AKAP12: variants seen among roughly 807,000 people sequenced by gnomAD.
AKAP12 encodes the protein A-kinase anchoring protein 12.
In AKAP12, 32 loss-of-function variants were observed where a neutral mutation model predicts 79.9. That is an observed-to-expected ratio of 0.40 (90% confidence interval 0.30 to 0.54). The LOEUF is 0.54. Ranked by LOEUF, AKAP12 falls within the 20% of genes least tolerant of loss-of-function variation. The probability of loss-of-function intolerance (pLI) is 0.48; values close to 1 mark genes in which losing one functional copy is unlikely to be tolerated. For missense variants in AKAP12, 2,074 were observed against 2,177.0 expected, an observed-to-expected ratio of 0.95 and a Z score of 0.94; for synonymous variants, 808 against 857.0, an observed-to-expected ratio of 0.94 and a Z score of 1.00.
rs751569011 is a variant in AKAP12, at chr6:151,320,153, C to T, written c.319+14250C>T. Among the ~76,000 whole-genome samples the T allele has an allele frequency of 7.2e-5, 11 of 151,990 alleles. No individual in the cohort carries two copies. The East Asian group carries it at 1.4e-3, about 19-fold the overall frequency. ...GGTTTTAATTCTGAGTGTAGTGGTC[C>T]CTGTCCCCTCCCTTTCAGGAAAAAT... On this transcript the variant is annotated intron_variant, in intron 3 of 4. Transcript: ENST00000402676.
In AKAP12 at chr6:151,349,139, G is replaced by A. The variant is rs149211517; in HGVS notation, c.748G>A (p.Ala250Thr). 29 of 1,613,670 alleles carry A rather than the reference G, an allele frequency of 1.8e-5. No homozygotes were observed. Among genetic ancestry groups the A allele is most frequent in the Admixed American group, 3.3e-5 (2 of 59,958 alleles). ...EETLKREQSHAEISPPAESGQ... is the reference protein window; with the variant it reads ...EETLKREQSHTEISPPAESGQ... ...GACCCTGAAGCGTGAGCAAAGCCAC[G>A]CAGAAATTTCTCCCCCAGCCGAATC... Residue 250 changes from alanine (A) to threonine (T), a missense_variant, in exon 4 of 5, where the codon GCA becomes ACA. Around this residue, in one of 3 missense-constraint regions of AKAP12, gnomAD observed 1,428 missense variants for 1,451.0 expected, o/e 0.98. Transcript: ENST00000402676.
At chr6:151,331,892 A>AT (rs1562743091) in intron 3 of AKAP12, among the ~76,000 whole-genome samples, 1 of 151,604 alleles carries the variant, frequency 6.6e-6, no homozygotes, top group African/African-American at 2.4e-5. Flanking sequence ...CTCAAAAAAA[A>AT]AAAAAAAAAG....
At chr6:151,247,101 T>C (rs1309836411) in intron 2 of AKAP12, among the ~76,000 whole-genome samples, 1 of 151,894 alleles carries the variant, frequency 6.6e-6, no homozygotes, top group African/African-American at 2.4e-5. Context: ...CCCAATTAAT[T>C]TTTAAAGATT....
intron 2 of AKAP12, among the ~76,000 whole-genome samples, chr6:151,265,137 C>T (rs545638643): frequency 7.1e-4 from 105 of 146,944 alleles, no homozygotes; most frequent in Non-Finnish European, 1.3e-3. Context: ...GGCAACAGAG[C>T]GAGACTCCGT....
At chr6:151,263,728 G>A (rs1022587818) in intron 2 of AKAP12, among the ~76,000 whole-genome samples, 3 of 152,020 alleles carry the variant, frequency 2.0e-5, no homozygotes, top group Non-Finnish European at 4.4e-5. Context: ...ACAGGCATCC[G>A]CACCCACACC....
chr6:151,339,895 G>A (rs1386907887), intron 3 of AKAP12, among the ~76,000 whole-genome samples: 2 of 151,186 alleles, frequency 1.3e-5, no homozygotes, highest in Non-Finnish European at 2.9e-5. Context: ...AGTTCCCTCC[G>A]TGTATTTTCA....
chr6:151,327,906 G>A (rs1777568417), intron 3 of AKAP12, among the ~76,000 whole-genome samples: 1 of 152,204 alleles, frequency 6.6e-6, no homozygotes, highest in Non-Finnish European at 1.5e-5. Context: ...AGTGGAAAAA[G>A]TAAAAATGAA....
At chr6:151,341,745 C>A (rs1008443786) in intron 3 of AKAP12, 22 of 1,281,532 alleles carry the variant, frequency 1.7e-5, no homozygotes, top group Non-Finnish European at 2.1e-5. Flanking sequence ...GACACGGAAT[C>A]CCGAGGGCCA....
At chr6:151,262,703 T>C (rs1797462123) in intron 2 of AKAP12, among the ~76,000 whole-genome samples, 1 of 152,190 alleles carries the variant, frequency 6.6e-6, no homozygotes, top group South Asian at 2.1e-4. Flanking sequence ...TAGAAGATCT[T>C]TGTTTTTCTT....
chr6:151,347,699 A>G (rs1332476369), intron 3 of AKAP12, among the ~76,000 whole-genome samples: 1 of 152,230 alleles, frequency 6.6e-6, no homozygotes, highest in East Asian at 1.9e-4. Context: ...TTATCCTTGA[A>G]TTGCCTCGCA....
At position 151,291,666 on chromosome 6, in the gene AKAP12, TA is replaced by T. The variant is rs541550570; in HGVS notation, c.163-14079del. Reference sequence around the variant, plus strand: ...AGAAAGCCATTTCAATTTATCATTTTAATTTTGCTATTAAGCATCCACGGAC... The same window carrying T: ...AGAAAGCCATTTCAATTTATCATTTTATTTTGCTATTAAGCATCCACGGAC... On this transcript the variant is annotated intron_variant, in intron 2 of 4. Transcript: ENST00000402676. Among the ~76,000 whole-genome samples, 33 of 152,390 alleles carry T rather than the reference TA, an allele frequency of 2.2e-4. No homozygotes were observed. The East Asian group carries it at 6.4e-3, about 29-fold the overall frequency.
At position 151,305,986 on chromosome 6, in the gene AKAP12, C is replaced by G. The variant is rs561898389; in HGVS notation, c.319+83C>G. The G allele has an allele frequency of 1.8e-4, 255 of 1,412,266 alleles. 2 individuals carry two copies. The South Asian group carries it at 3.2e-3, about 18-fold the overall frequency. The allele number at this position is 1,412,266 out of a possible 1,614,324, so 87.5% of individuals were successfully genotyped here. On this transcript the variant is annotated intron_variant, in intron 3 of 4. Coordinates refer to ENST00000402676, the MANE Select transcript of AKAP12 (RefSeq NM_005100.4). Reference sequence around the variant, plus strand: ...CAGCAGAAAATACTCTGTCATACTGCCTGGTGGTGGATTGGTGTTAACAGC... The same window carrying G: ...CAGCAGAAAATACTCTGTCATACTGGCTGGTGGTGGATTGGTGTTAACAGC...
At chr6:151,263,223 T>G (rs1342508005) in intron 2 of AKAP12, among the ~76,000 whole-genome samples, 2 of 152,098 alleles carry the variant, frequency 1.3e-5, no homozygotes, top group African/African-American at 4.8e-5. Flanking sequence ...TTTTGAGAGA[T>G]AGGGTCTTGC....
intron 2 of AKAP12, among the ~76,000 whole-genome samples, chr6:151,278,193 T>G (rs1453184491): frequency 1.5e-5 from 2 of 134,552 alleles, no homozygotes; most frequent in Non-Finnish European, 3.3e-5. Context: ...AGATGTTGTG[T>G]TTTTTTTGGT....
chr6:151,277,915 C>A (rs936800007), intron 2 of AKAP12, among the ~76,000 whole-genome samples: 7 of 151,474 alleles, frequency 4.6e-5, no homozygotes, highest in Admixed American at 2.0e-4. Flanking sequence ...CTTCCCTTTT[C>A]AGATCCTTAG....
At chr6:151,241,390 G>A (rs1012263496) in intron 2 of AKAP12, among the ~76,000 whole-genome samples, 1 of 152,374 alleles carries the variant, frequency 6.6e-6, no homozygotes, top group African/African-American at 2.4e-5. Context: ...TCGCAAACCA[G>A]CCAGCGCCCT....
chr6:151,299,030 G>A (rs531340064), intron 2 of AKAP12: 19 of 152,128 alleles, frequency 1.2e-4, no homozygotes, highest in Non-Finnish European at 2.4e-4. Context: ...TCCTTAAGGC[G>A]GAAGCAAATG....
chr6:151,306,724 T>A (rs1432384469), intron 3 of AKAP12, among the ~76,000 whole-genome samples: 1 of 152,222 alleles, frequency 6.6e-6, no homozygotes, highest in Non-Finnish European at 1.5e-5. Context: ...TCTTGTTTGA[T>A]GCCCCCACAG....
chr6:151,331,969 T>G (rs1777683108), intron 3 of AKAP12, among the ~76,000 whole-genome samples: 1 of 148,244 alleles, frequency 6.7e-6, no homozygotes, highest in African/African-American at 2.5e-5. Flanking sequence ...GGCTCAACGA[T>G]CCTCCTGTCT....
Sources: allele counts gnomAD v4.1 joint callset (sites outside exome capture counted in the v4.1 genomes callset), GRCh38; gene constraint gnomAD v4.1.1; regional missense constraint gnomAD v4.1.1; transcripts MANE v1.5; gene names NCBI Gene and HGNC (gene_info 2026-07-23, HGNC 2026-07-21).